Variants in RSU1 observed in about 807,000 individuals in gnomAD.
RSU1 encodes the protein Ras suppressor protein 1.
A neutral mutation model predicts 31.1 loss-of-function variants in RSU1; 26 were observed. That is an observed-to-expected ratio of 0.84 (90% CI 0.61 to 1.16). The LOEUF is 1.16. RSU1 is among the 50% of genes most tolerant of loss of function. RSU1 has a pLI of 0.00. For missense variants in RSU1, 320 were observed against 339.1 expected (o/e 0.94, Z 0.44); for synonymous variants, 164 against 136.3 (o/e 1.20, Z -1.41).
At chr10:16,632,665 G>A (rs1167595870) in intron 8 of RSU1, among the ~76,000 whole-genome samples, 1 of 152,162 alleles carries the variant, frequency 6.6e-6, no homozygotes, top group Non-Finnish European at 1.5e-5. Context: ...CAGGCCGAGT[G>A]TGGTGGCTCA....
At chr10:16,706,117 C>T (rs1835895689) in intron 7 of RSU1, among the ~76,000 whole-genome samples, 1 of 152,206 alleles carries the variant, frequency 6.6e-6, no homozygotes, top group South Asian at 2.1e-4. Flanking sequence ...GTACACATAT[C>T]TTTTTGAGAC....
At chr10:16,667,926 G>GA (rs1004695770) in intron 8 of RSU1, among the ~76,000 whole-genome samples, 19 of 151,962 alleles carry the variant, frequency 1.3e-4, no homozygotes, top group Non-Finnish European at 2.6e-4. Flanking sequence ...CATTCTAGTA[G>GA]AAAAAAACGT....
intron 3 of RSU1, among the ~76,000 whole-genome samples, chr10:16,775,422 C>G (rs375286709): frequency 2.0e-5 from 3 of 152,036 alleles, no homozygotes; most frequent in African/African-American, 7.2e-5. Context: ...GGAATTAGCA[C>G]GTTAGCTGGC....
intron 7 of RSU1, among the ~76,000 whole-genome samples, chr10:16,716,966 A>AT (rs1219948538): frequency 1.3e-5 from 2 of 152,156 alleles, no homozygotes; most frequent in South Asian, 2.1e-4. Flanking sequence ...AAGTATGGGA[A>AT]TTTTTTCAGC....
At chr10:16,754,554 T>A (rs1837044532) in intron 5 of RSU1, among the ~76,000 whole-genome samples, 1 of 151,892 alleles carries the variant, frequency 6.6e-6, no homozygotes, top group South Asian at 2.1e-4. Flanking sequence ...TACTTTTTTT[T>A]TTTTTTTTGG....
intron 8 of RSU1, among the ~76,000 whole-genome samples, chr10:16,661,283 AGTGCGTGTGTGTGTGT>A (rs911964281): frequency 2.2e-4 from 25 of 115,834 alleles, no homozygotes; most frequent in Non-Finnish European, 3.5e-4. Context: ...ATATGTAGAG[AGTGCGTGTGTGTGTGT>A]GTGTGTGTGT....
At chr10:16,696,502 C>A (rs570341036) in intron 7 of RSU1, among the ~76,000 whole-genome samples, 9 of 152,280 alleles carry the variant, frequency 5.9e-5, no homozygotes, top group African/African-American at 2.4e-5. Context: ...AAAACGACTA[C>A]AATTTCACAA....
At chr10:16,628,727 T>G (rs1458956384) in intron 8 of RSU1, among the ~76,000 whole-genome samples, 1 of 152,224 alleles carries the variant, frequency 6.6e-6, no homozygotes, top group East Asian at 1.9e-4. Context: ...TGGGGCAAAG[T>G]GCCCTGTAGT....
chr10:16,785,312 A>G (rs1314426964), intron 2 of RSU1, among the ~76,000 whole-genome samples: 1 of 151,664 alleles, frequency 6.6e-6, no homozygotes, highest in Non-Finnish European at 1.5e-5. Context: ...ACTGGCTTTC[A>G]TTGCTCCTCA....
At chr10:16,650,839 C>T (rs1834672997) in intron 8 of RSU1, among the ~76,000 whole-genome samples, 1 of 152,076 alleles carries the variant, frequency 6.6e-6, no homozygotes, top group South Asian at 2.1e-4. Context: ...CCTTGGCCTC[C>T]CAAAGTGCTG....
intron 2 of RSU1, among the ~76,000 whole-genome samples, chr10:16,815,042 C>T (rs1462084803): frequency 3.9e-5 from 6 of 152,224 alleles, no homozygotes; most frequent in Non-Finnish European, 1.5e-5. Context: ...CCAAGGTTCC[C>T]GCTATGCATC....
At chr10:16,657,010 T>A (rs536278684) in intron 8 of RSU1, among the ~76,000 whole-genome samples, 1 of 152,230 alleles carries the variant, frequency 6.6e-6, no homozygotes, top group Non-Finnish European at 1.5e-5. Flanking sequence ...AAATACAGTA[T>A]AGCTTTAGAG....
At chr10:16,732,464 C>T (rs1836534448) in intron 7 of RSU1, among the ~76,000 whole-genome samples, 1 of 152,148 alleles carries the variant, frequency 6.6e-6, no homozygotes, top group South Asian at 2.1e-4. Flanking sequence ...ATCTCTCTGC[C>T]ATGTGATGAT....
chr10:16,799,869 C>T (rs1213387323), intron 2 of RSU1, among the ~76,000 whole-genome samples: 1 of 152,150 alleles, frequency 6.6e-6, no homozygotes, highest in Non-Finnish European at 1.5e-5. Flanking sequence ...AGTTGAGAAA[C>T]AGCTGTGAAG....
intron 8 of RSU1, among the ~76,000 whole-genome samples, chr10:16,663,278 T>C (rs7088676): frequency 0.37 from 56,746 of 151,962 alleles, 11,444 homozygotes; most frequent in Non-Finnish European, 0.45. Flanking sequence ...GGAAGAAGCA[T>C]GTGTGATGCT....
At chr10:16,678,714 T>G (rs1835275314) in intron 8 of RSU1, among the ~76,000 whole-genome samples, 1 of 152,192 alleles carries the variant, frequency 6.6e-6, no homozygotes, top group South Asian at 2.1e-4. Flanking sequence ...ATTCAATAGG[T>G]ACCACAGGAT....
rs1833524152 is a variant in RSU1, at chr10:16,592,451, T to TC, written c.*942dup. ...GTTTAATGACTCTGCAACTGTGGTT[T>TC]CCACCCTGGGTGTGGTGTAGCGCGT... On this transcript the variant is annotated 3_prime_UTR_variant, in exon 9 of 9. Coordinates refer to ENST00000345264, the MANE Select transcript of RSU1 (RefSeq NM_012425.4). The TC allele has an allele frequency of 6.6e-6, 1 of 152,214 alleles. No homozygotes were observed. The highest frequency in any genetic ancestry group is 2.4e-5 in the African/African-American group (1 of 41,458). 9.4% of individuals were successfully genotyped at this position (152,214 alleles called of 1,614,324 possible).
At chr10:16,677,851 A>G (rs968552179) in intron 8 of RSU1, among the ~76,000 whole-genome samples, 1 of 152,222 alleles carries the variant, frequency 6.6e-6, no homozygotes, top group Non-Finnish European at 1.5e-5. Context: ...TGCAAGACAC[A>G]TTCTATTAAA....
intron 3 of RSU1, 39 bp from the exon 4 acceptor site, chr10:16,764,549 G>C (rs374388688): frequency 3.8e-6 from 6 of 1,594,742 alleles, no homozygotes; most frequent in Admixed American, 1.7e-5. Flanking sequence ...TCTGGGAATG[G>C]AACTCCTAGC....
Sources: allele counts gnomAD v4.1 joint callset (sites outside exome capture counted in the v4.1 genomes callset), GRCh38; gene constraint gnomAD v4.1.1; transcripts MANE v1.5; gene names NCBI Gene and HGNC (gene_info 2026-07-23, HGNC 2026-07-21).